The following SV2C variants were observed in gnomAD, a reference collection of about 807,000 sequenced individuals.
SV2C encodes synaptic vesicle glycoprotein 2C, also known as solute carrier family 22 member B3.
Under a neutral mutation model 79.7 loss-of-function variants are expected in SV2C, and 49 were observed. The observed-to-expected ratio is 0.61, with a 90% confidence interval of 0.49 to 0.78. The LOEUF is 0.78. Among genes scored for constraint, SV2C ranks in the 30% least tolerant of loss-of-function variants. The pLI is 0.00. For synonymous variants in SV2C, 334 were observed against 333.2 expected, an observed-to-expected ratio of 1.00 and a Z score of -0.03; for missense variants, 833 against 912.9, an observed-to-expected ratio of 0.91 and a Z score of 1.13.
At chr5:75,875,527 A>G in the SV2C span, among the ~76,000 whole-genome samples, 1 of 152,228 alleles carries the variant, frequency 6.6e-6, no homozygotes, top group Admixed American at 6.5e-5. Flanking sequence ...ACAGGCAAAT[A>G]TTTCATGACA....
chr5:75,978,118 C>T, the SV2C span, among the ~76,000 whole-genome samples: 1 of 152,310 alleles, frequency 6.6e-6, no homozygotes, highest in East Asian at 1.9e-4. Context: ...TTGCCAAGGT[C>T]ACCAATGACC....
chr5:76,059,028 T>C, the SV2C span, among the ~76,000 whole-genome samples: 2 of 152,122 alleles, frequency 1.3e-5, no homozygotes, highest in Non-Finnish European at 2.9e-5. Context: ...AAGTTATGTT[T>C]ATACTATATT....
intron 1 of SV2C, among the ~76,000 whole-genome samples, chr5:76,123,513 A>G (rs992860828): frequency 2.6e-5 from 4 of 152,208 alleles, no homozygotes; most frequent in Non-Finnish European, 5.9e-5. Flanking sequence ...GCAGCACATC[A>G]AAAAGCTTAT....
At chr5:76,136,122 T>C (rs1377958724) in intron 2 of SV2C, among the ~76,000 whole-genome samples, 1 of 152,220 alleles carries the variant, frequency 6.6e-6, no homozygotes, top group African/African-American at 2.4e-5. Context: ...TAATACAAAA[T>C]AGATGCAAAG....
At chr5:76,005,795 C>A in the SV2C span, among the ~76,000 whole-genome samples, 2 of 152,176 alleles carry the variant, frequency 1.3e-5, no homozygotes, top group African/African-American at 4.8e-5. Context: ...CCAGTGACAT[C>A]ATTTCAGCCC....
chr5:76,002,867 G>GTTT, the SV2C span, among the ~76,000 whole-genome samples: 450 of 151,346 alleles, frequency 3.0e-3, 1 homozygote, highest in African/African-American at 3.3e-3. Flanking sequence ...CTGTGCGTGT[G>GTTT]TTTTTTTTAA....
At chr5:75,862,121 T>C in the SV2C span, among the ~76,000 whole-genome samples, 1 of 152,220 alleles carries the variant, frequency 6.6e-6, no homozygotes, top group Non-Finnish European at 1.5e-5. Flanking sequence ...TCGTGATATC[T>C]GAAAAAACCT....
intron 12 of SV2C, among the ~76,000 whole-genome samples, chr5:76,302,003 A>C (rs953069965): frequency 6.6e-6 from 1 of 152,082 alleles, no homozygotes; most frequent in Non-Finnish European, 1.5e-5. Flanking sequence ...GGTTCCACTC[A>C]TATCTTTTAA....
At chr5:75,875,004 G>A in the SV2C span, among the ~76,000 whole-genome samples, 1 of 152,128 alleles carries the variant, frequency 6.6e-6, no homozygotes, top group Non-Finnish European at 1.5e-5. Flanking sequence ...CAGATTCAAT[G>A]CTATTCCTAT....
chr5:75,972,117 A>G, the SV2C span, among the ~76,000 whole-genome samples: 1 of 152,188 alleles, frequency 6.6e-6, no homozygotes, highest in East Asian at 1.9e-4. Flanking sequence ...AAAACTGGCT[A>G]GCCATATGTA....
chr5:76,108,777 A>G (rs998965823), intron 1 of SV2C, among the ~76,000 whole-genome samples: 1 of 152,212 alleles, frequency 6.6e-6, no homozygotes, highest in African/African-American at 2.4e-5. Context: ...CCCACCCTAA[A>G]GCAAATGGCG....
At chr5:76,045,755 G>T in the SV2C span, among the ~76,000 whole-genome samples, 1 of 152,210 alleles carries the variant, frequency 6.6e-6, no homozygotes, top group East Asian at 1.9e-4. Context: ...TATAAATAGC[G>T]TGGTAATTTG....
chr5:75,898,309 G>A, the SV2C span, among the ~76,000 whole-genome samples: 1 of 152,116 alleles, frequency 6.6e-6, no homozygotes, highest in Non-Finnish European at 1.5e-5. Context: ...GGCCTTTTCT[G>A]CATCTATTGA....
At chr5:76,046,371 A>C in the SV2C span, among the ~76,000 whole-genome samples, 1 of 152,152 alleles carries the variant, frequency 6.6e-6, no homozygotes, top group African/African-American at 2.4e-5. Context: ...TGAATTCTGA[A>C]GGGGCTTCCC....
chr5:76,201,028 T>C (rs1397262317), intron 3 of SV2C, among the ~76,000 whole-genome samples: 2 of 152,194 alleles, frequency 1.3e-5, no homozygotes, highest in Non-Finnish European at 2.9e-5. Flanking sequence ...TCAAACCAAG[T>C]CATGAGCATA....
chr5:75,905,835 T>C, the SV2C span, among the ~76,000 whole-genome samples: 1 of 151,436 alleles, frequency 6.6e-6, no homozygotes, highest in Non-Finnish European at 1.5e-5. Flanking sequence ...CAGGGTTTAA[T>C]AGCATCCTCC....
the SV2C span, among the ~76,000 whole-genome samples, chr5:76,027,994 G>A: frequency 1.3e-5 from 2 of 152,048 alleles, no homozygotes; most frequent in African/African-American, 2.4e-5. Flanking sequence ...ATACTTGAGG[G>A]GATCCCTACA....
the SV2C span, among the ~76,000 whole-genome samples, chr5:75,864,073 T>C: frequency 1.3e-5 from 2 of 152,198 alleles, no homozygotes; most frequent in East Asian, 3.8e-4. Flanking sequence ...GGTTATAGTT[T>C]CTTGTTTTAT....
At chr5:76,298,629 G>A (rs1403346507) in intron 9 of SV2C, among the ~76,000 whole-genome samples, 165 bp from the exon 10 acceptor site, 1 of 152,136 alleles carries the variant, frequency 6.6e-6, no homozygotes, top group Non-Finnish European at 1.5e-5. Flanking sequence ...GCCTGGATGA[G>A]AAAAAGGGGA....
Sources: allele counts gnomAD v4.1 joint callset (sites outside exome capture counted in the v4.1 genomes callset), GRCh38; gene constraint gnomAD v4.1.1; transcripts MANE v1.5; gene names NCBI Gene and HGNC (gene_info 2026-07-23, HGNC 2026-07-21).